EDDM13: variants seen among roughly 807,000 people sequenced by gnomAD.
EDDM13 encodes epididymal protein 13.
In EDDM13, 24 loss-of-function variants were observed where a neutral mutation model predicts 17.8. The observed-to-expected ratio is 1.35, with a 90% CI of 0.98 to 1.90. The LOEUF (loss-of-function observed/expected upper bound fraction) is 1.90. Among genes scored for constraint, EDDM13 ranks in the 40% most tolerant of loss-of-function variants. The probability of loss-of-function intolerance (pLI) is 0.00; values close to 1 mark genes in which losing one functional copy is unlikely to be tolerated. For missense variants in EDDM13, 97 were observed against 100.8 expected (o/e 0.96, Z 0.16); for synonymous variants, 31 against 37.5 (o/e 0.83, Z 0.63).
chr19:56,302,767 AGCCCCAGGGGC>A lies in EDDM13; in HGVS notation c.423+673_423+683del, dbSNP rs1280595655. 15 of 394,850 alleles carry A rather than the reference AGCCCCAGGGGC, an allele frequency of 3.8e-5. No homozygotes were observed. In the South Asian group the frequency reaches 3.9e-4, roughly 10 times the overall value. The allele number at this position is 394,850 out of a possible 1,614,324, so 24.5% of individuals were successfully genotyped here. Reference sequence around the variant, plus strand: ...AAACTTCTCCCTTCTGCACTAACACAGCCCCAGGGGCTCCTTTGAAATACTGTCACTCATTC... The same window carrying A: ...AAACTTCTCCCTTCTGCACTAACACATCCTTTGAAATACTGTCACTCATTC... On this transcript the variant is annotated intron_variant, in intron 13 of 14. Transcript: ENST00000649256.
chr19:56,275,108 A>G (rs988099424), intron 1 of EDDM13, among the ~76,000 whole-genome samples: 1 of 152,210 alleles, frequency 6.6e-6, no homozygotes, highest in African/African-American at 2.4e-5. Context: ...TGTAAACTTT[A>G]GTCCCTCGGC....
Position 56,272,921 on chromosome 19 carries a change from T to C in EDDM13, c.85+2T>C, listed in dbSNP as rs1210051307. On this transcript the variant is annotated splice_donor_variant, in intron 1 of 14. Coordinates refer to ENST00000649256, the MANE Select transcript of EDDM13 (RefSeq NM_001354658.2). LOFTEE classifies it high-confidence loss of function. ...CAGAAGCCTGTACTCCTCGTGAAGG[T>C]AATGCTTCCAGCCATGCCTTGTGTC... The C allele has an allele frequency of 1.0e-6, 1 of 983,742 alleles. No homozygotes were observed. Among genetic ancestry groups the C allele is most frequent in the African/African-American group, 1.7e-5 (1 of 57,230 alleles). 60.9% of individuals were successfully genotyped at this position (983,742 alleles called of 1,614,324 possible). A position where few individuals can be genotyped will look rare whatever the true frequency, so the allele number is the denominator to read the frequency against.
chr19:56,282,632 T>A, intron 4 of EDDM13, 133 bp downstream of exon 4: 1 of 363,268 alleles, frequency 2.8e-6, no homozygotes, highest in Non-Finnish European at 3.8e-6. Flanking sequence ...GCGGAACTAG[T>A]AAAACCAAGT....
chr19:56,302,545 G>A (rs867048694), intron 13 of EDDM13, among the ~76,000 whole-genome samples: 54 of 21,596 alleles, frequency 2.5e-3, no homozygotes, highest in Non-Finnish European at 2.6e-3. Context: ...CTTCCTCCCC[G>A]TTCCTCCCTC....
intron 9 of EDDM13, among the ~76,000 whole-genome samples, chr19:56,292,458 C>CT (rs899365291): frequency 1.6e-3 from 215 of 135,152 alleles, no homozygotes; most frequent in African/African-American, 3.9e-3. Context: ...TCTGTTTTTA[C>CT]TTTTTTTTTT....
intron 12 of EDDM13, among the ~76,000 whole-genome samples, chr19:56,299,218 A>C (rs930410544): frequency 6.6e-6 from 1 of 151,996 alleles, no homozygotes. Context: ...CACAGCCCTA[A>C]ACTCCTAGGC....
intron 13 of EDDM13, 70 bp from the exon 14 acceptor site, chr19:56,304,723 A>C: frequency 1.1e-6 from 1 of 907,398 alleles, no homozygotes; most frequent in Non-Finnish European, 1.3e-6. Context: ...AAAGGGAGGT[A>C]AGGAAGGAAT....
intron 6 of EDDM13, among the ~76,000 whole-genome samples, chr19:56,287,079 T>A (rs945520171): frequency 3.3e-5 from 5 of 152,206 alleles, no homozygotes; most frequent in African/African-American, 1.2e-4. Context: ...CACCATTCCA[T>A]GGATTCTGGA....
intron 6 of EDDM13, among the ~76,000 whole-genome samples, chr19:56,287,736 G>A (rs1377190452): frequency 1.3e-5 from 2 of 152,194 alleles, no homozygotes; most frequent in East Asian, 3.8e-4. Context: ...AAACAGGTGG[G>A]GAAACTGAGG....
intron 6 of EDDM13, among the ~76,000 whole-genome samples, chr19:56,287,570 TA>T (rs944391083): frequency 6.6e-6 from 1 of 152,156 alleles, no homozygotes; most frequent in African/African-American, 2.4e-5. Flanking sequence ...CCGGACTTTA[TA>T]AAAAGCAAAA....
chr19:56,304,115 C>T (rs998024606), intron 13 of EDDM13, among the ~76,000 whole-genome samples: 4 of 152,044 alleles, frequency 2.6e-5, no homozygotes, highest in Non-Finnish European at 4.4e-5. Context: ...GAGAGTGGAT[C>T]GGAATCAGGG....
At chr19:56,297,654 C>A in intron 12 of EDDM13, 123 bp downstream of exon 12, 1 of 442,208 alleles carries the variant, frequency 2.3e-6, no homozygotes, top group Non-Finnish European at 3.0e-6. Flanking sequence ...GCTTTGGTAC[C>A]TGAGAGGCTG....
intron 12 of EDDM13, among the ~76,000 whole-genome samples, chr19:56,298,510 A>G (rs1179236455): frequency 2.0e-5 from 3 of 151,464 alleles, no homozygotes; most frequent in Non-Finnish European, 4.4e-5. Flanking sequence ...AAAATTAGCC[A>G]GGCGTGGTGG....
At chr19:56,297,065 G>C (rs928534061) in intron 11 of EDDM13, among the ~76,000 whole-genome samples, 3 of 127,008 alleles carry the variant, frequency 2.4e-5, no homozygotes, top group African/African-American at 8.1e-5. Context: ...GCAAAACTCT[G>C]TCTCAAAAAA....
intron 1 of EDDM13, 101 bp downstream of exon 1, chr19:56,273,020 A>C: frequency 2.9e-6 from 1 of 339,024 alleles, no homozygotes; most frequent in South Asian, 1.2e-4. Context: ...AGTCTAACAG[A>C]CTTCTTCTTG....
At chr19:56,304,001 G>A (rs748991423) in intron 13 of EDDM13, among the ~76,000 whole-genome samples, 1 of 152,182 alleles carries the variant, frequency 6.6e-6, no homozygotes, top group Non-Finnish European at 1.5e-5. Flanking sequence ...GTCATGTAAG[G>A]TTCTCATAGA....
At chr19:56,309,218 G>A (rs960312009) in intron 14 of EDDM13, among the ~76,000 whole-genome samples, 5 of 152,208 alleles carry the variant, frequency 3.3e-5, no homozygotes, top group African/African-American at 4.8e-5. Flanking sequence ...CACAGTAGAT[G>A]ATGCCATGTA....
rs532671197 is a variant in EDDM13 at position 56,284,763 on chromosome 19, C to T, written c.128-235C>T. 1.0e-3 allele frequency among the ~76,000 whole-genome samples: 159 copies of T among 152,186 alleles called. 1 individual carries two copies. The highest frequency in any genetic ancestry group is 3.6e-3 in the African/African-American group (150 of 41,536). ...TCCTGACCTCAGGTGATCCACCCACCTCAGCCCCCAAAGTGCTAGGATTAC... is the reference window on the plus strand; with the variant it reads ...TCCTGACCTCAGGTGATCCACCCACTTCAGCCCCCAAAGTGCTAGGATTAC... On this transcript the variant is annotated intron_variant, in intron 5 of 14. Transcript: ENST00000649256.
At chr19:56,302,600 C>CTTCCTT (rs1568726812) in intron 13 of EDDM13, among the ~76,000 whole-genome samples, 1 of 70,940 alleles carries the variant, frequency 1.4e-5, no homozygotes, top group African/African-American at 4.9e-5. Context: ...TCCTCTCCCT[C>CTTCCTT]TTCTTCCTCT....
Sources: gnomAD v4.1 joint callset for allele counts (sites outside exome capture counted in the v4.1 genomes callset) on GRCh38, gnomAD v4.1.1 for gene constraint, MANE v1.5 for transcripts, NCBI Gene and HGNC (gene_info 2026-07-23, HGNC 2026-07-21) for gene names.